The following TMEM132B variants were observed in gnomAD, a reference collection of about 807,000 sequenced individuals.
TMEM132B encodes transmembrane protein 132B.
A neutral mutation model predicts 90.8 loss-of-function variants in TMEM132B; 18 were observed. That is an observed-to-expected ratio of 0.20 (90% CI 0.14 to 0.29). The LOEUF is 0.29. Among genes scored for constraint, TMEM132B ranks in the 10% least tolerant of loss-of-function variants. TMEM132B has a pLI of 1.00. For missense variants in TMEM132B, 1,096 were observed against 1,326.8 expected, an observed-to-expected ratio of 0.83 and a Z score of 2.70; for synonymous variants, 504 against 523.3, an observed-to-expected ratio of 0.96 and a Z score of 0.50.
At chr12:125,495,681 A>G (rs1314234022) in intron 3 of TMEM132B, among the ~76,000 whole-genome samples, 1 of 152,220 alleles carries the variant, frequency 6.6e-6, no homozygotes, top group Non-Finnish European at 1.5e-5. Context: ...GCCAGGTTAC[A>G]GTGCTCAGAT....
At chr12:125,625,613 T>C (rs535734770) in intron 5 of TMEM132B, among the ~76,000 whole-genome samples, 1 of 152,366 alleles carries the variant, frequency 6.6e-6, no homozygotes, top group African/African-American at 2.4e-5. Context: ...TGAACACATC[T>C]GCTATAAACA....
At chr12:125,592,755 G>C (rs1885347351) in intron 5 of TMEM132B, among the ~76,000 whole-genome samples, 1 of 152,192 alleles carries the variant, frequency 6.6e-6, no homozygotes, top group African/African-American at 2.4e-5. Context: ...GATGGAATGT[G>C]GATGTGTGCT....
At chr12:125,497,776 C>G (rs1195165627) in intron 3 of TMEM132B, among the ~76,000 whole-genome samples, 1 of 152,184 alleles carries the variant, frequency 6.6e-6, no homozygotes, top group Non-Finnish European at 1.5e-5. Context: ...CTGAAAAACT[C>G]ATTTATTGAT....
In TMEM132B at chr12:125,445,363, C is replaced by G. The variant is rs1278489772; in HGVS notation, c.1106+29686C>G. 6.6e-6 allele frequency among the ~76,000 whole-genome samples: 1 copy of G among 152,168 alleles called. No individual in the cohort carries two copies. Among genetic ancestry groups the G allele is most frequent in the Non-Finnish European group, 1.5e-5 (1 of 68,032 alleles). On this transcript the variant is annotated intron_variant, in intron 3 of 8. Coordinates refer to ENST00000682704, the MANE Select transcript of TMEM132B (RefSeq NM_001366854.1). The surrounding 1 kb of genome is among the most constrained non-coding windows in gnomAD (Gnocchi z 4.3). ...TTGTAAATTGGCTATACTAATGTAC[C>G]TACCTTTCCCAGTTATAAATGTATT...
intron 3 of TMEM132B, among the ~76,000 whole-genome samples, chr12:125,485,890 T>C (rs1423753976): frequency 6.6e-6 from 1 of 152,210 alleles, no homozygotes; most frequent in Non-Finnish European, 1.5e-5. Context: ...AGAGTCCACC[T>C]CGATGTCTTT....
At chr12:125,527,539 ACCACCCATCCACCCTTCCAT>A (rs1406621999) in intron 4 of TMEM132B, among the ~76,000 whole-genome samples, 10 of 55,522 alleles carry the variant, frequency 1.8e-4, no homozygotes, top group East Asian at 5.9e-4. Flanking sequence ...CACCCTTCCA[ACCACCCATCCACCCTTCCAT>A]CCACCCATCC....
At chr12:125,203,063 G>A (rs1873102198) in intron 1 of TMEM132B, among the ~76,000 whole-genome samples, 2 of 152,196 alleles carry the variant, frequency 1.3e-5, no homozygotes, top group African/African-American at 2.4e-5. Flanking sequence ...AATCTAGGTT[G>A]GAGAATGTGC....
chr12:125,219,743 C>A (rs1873517353), intron 1 of TMEM132B, among the ~76,000 whole-genome samples: 1 of 152,206 alleles, frequency 6.6e-6, no homozygotes, highest in East Asian at 1.9e-4. Context: ...ACCAGCCAGC[C>A]CTGGTTTACA....
intron 5 of TMEM132B, among the ~76,000 whole-genome samples, chr12:125,588,712 G>A (rs551433370): frequency 6.6e-6 from 1 of 152,216 alleles, no homozygotes; most frequent in South Asian, 2.1e-4. Flanking sequence ...GCACATTTTC[G>A]GGAGCAGTCC....
intron 1 of TMEM132B, among the ~76,000 whole-genome samples, chr12:125,307,104 C>A (rs1207917538): frequency 6.6e-6 from 1 of 152,226 alleles, no homozygotes; most frequent in Non-Finnish European, 1.5e-5. Context: ...AACACTGCAA[C>A]CACTTGGAGT....
At position 125,257,209 on chromosome 12, in the gene TMEM132B, G is replaced by T. The variant is rs760595288; in HGVS notation, c.67+70343G>T. Reference sequence around the variant, plus strand: ...TAGTCCCAGCTACTTGGGAGGTGAAGGTGGGAGGATCACTTGAGCCCAGGA... The same window carrying T: ...TAGTCCCAGCTACTTGGGAGGTGAATGTGGGAGGATCACTTGAGCCCAGGA... On this transcript the variant is annotated intron_variant, in intron 1 of 8. Transcript: ENST00000682704. 5.9e-5 allele frequency among the ~76,000 whole-genome samples: 9 copies of T among 152,264 alleles called. No homozygotes were observed. The East Asian group carries it at 1.2e-3, about 20-fold the overall frequency.
In TMEM132B at chr12:125,409,571, TGAGTG is replaced by T. The variant is rs139454581; in HGVS notation, c.960-5936_960-5932del. Among the ~76,000 whole-genome samples the T allele has an allele frequency of 3.8e-3, 459 of 119,600 alleles. 11 individuals carry two copies. The highest frequency in any genetic ancestry group is 0.02 in the Middle Eastern group (5 of 254). The allele number at this position is 119,600 out of a possible 152,430, so 78.5% of individuals were successfully genotyped here. A position where few individuals can be genotyped will look rare whatever the true frequency, so the allele number is the denominator to read the frequency against. On this transcript the variant is annotated intron_variant, in intron 2 of 8. Transcript: ENST00000682704. ...CTTGGCTGTGGACAGTGGAGTGGAGTGAGTGGAGTGGAGTGGAGTGGAGTGGAGGA... is the reference window on the plus strand; with the variant it reads ...CTTGGCTGTGGACAGTGGAGTGGAGTGAGTGGAGTGGAGTGGAGTGGAGGA...
intron 4 of TMEM132B, among the ~76,000 whole-genome samples, chr12:125,582,948 G>A (rs1024668073): frequency 1.3e-5 from 2 of 152,146 alleles, no homozygotes; most frequent in African/African-American, 4.8e-5. Context: ...AGTAAAAGGT[G>A]AGAAGGTCAG....
chr12:125,637,217 AT>A (rs1886506481), intron 5 of TMEM132B, among the ~76,000 whole-genome samples: 1 of 152,142 alleles, frequency 6.6e-6, no homozygotes, highest in Admixed American at 6.5e-5. Context: ...TTTGTCTCCG[AT>A]TTTTATCAGA....
Position 125,644,091 on chromosome 12 carries a change from G to T in TMEM132B, c.1453G>T (p.Asp485Tyr). The T allele has an allele frequency of 2.5e-6, 4 of 1,614,196 alleles. No homozygotes were observed. The highest frequency in any genetic ancestry group is 3.4e-6 in the Non-Finnish European group (4 of 1,180,038). ...EDVIKVSNNC[D>Y]SIFVNGKEMK... The stretch of plus-strand genomic sequence containing the variant: ...CTTCCCAAAGGTTTCCAACAACTGT[G>T]ATTCCATTTTTGTGAATGGGAAGGA... Residue 485 changes from aspartate to tyrosine, a missense_variant, in exon 6 of 9, where the codon GAT (aspartate) becomes TAT (tyrosine). Physicochemically the swap from Asp to Tyr is radical, Grantham distance 160 (BLOSUM62 -3). Transcript: ENST00000682704.
intron 2 of TMEM132B, among the ~76,000 whole-genome samples, chr12:125,370,820 C>T (rs528345277): frequency 6.6e-5 from 10 of 152,318 alleles, no homozygotes; most frequent in East Asian, 1.9e-4. Flanking sequence ...TGTCTTTCTA[C>T]GTTGTTCCAA....
At chr12:125,487,874 A>G (rs1380350116) in intron 3 of TMEM132B, among the ~76,000 whole-genome samples, 1 of 152,044 alleles carries the variant, frequency 6.6e-6, no homozygotes. Context: ...CTGAACTTCT[A>G]TTGGACTTGA....
chr12:125,207,946 T>C (rs1401840786), intron 1 of TMEM132B, among the ~76,000 whole-genome samples: 1 of 152,272 alleles, frequency 6.6e-6, no homozygotes, highest in East Asian at 1.9e-4. Flanking sequence ...GAATTTTTCA[T>C]TTCATTTCAA....
chr12:125,348,525 G>A (rs1484477308), intron 1 of TMEM132B, among the ~76,000 whole-genome samples: 3 of 149,762 alleles, frequency 2.0e-5, no homozygotes, highest in African/African-American at 7.4e-5. Context: ...TGTAGAGACA[G>A]GGTCTCACTG....
Sources: allele counts gnomAD v4.1 joint callset (sites outside exome capture counted in the v4.1 genomes callset), GRCh38; gene constraint gnomAD v4.1.1; non-coding constraint Gnocchi (gnomAD v3.1); transcripts MANE v1.5; gene names NCBI Gene and HGNC (gene_info 2026-07-23, HGNC 2026-07-21).